IL2RB: variants seen among roughly 807,000 people sequenced by gnomAD.
The protein encoded by IL2RB is interleukin-2 receptor subunit beta.
Under a neutral mutation model 44.2 loss-of-function variants are expected in IL2RB, and 17 were observed. The observed-to-expected ratio is 0.38, with a 90% confidence interval of 0.26 to 0.58. The LOEUF (loss-of-function observed/expected upper bound fraction) is 0.58. IL2RB is among the 20% of genes least tolerant of loss of function. The pLI, the probability that IL2RB is intolerant of heterozygous loss-of-function variation, is 0.63. For missense variants in IL2RB, 624 were observed against 685.5 expected (o/e 0.91, Z 1.00); for synonymous variants, 286 against 297.9 (o/e 0.96, Z 0.41).
Position 37,128,361 on chromosome 22 carries a change from G to C in IL2RB, c.1391C>G (p.Pro464Arg). The C allele has an allele frequency of 6.6e-7, 1 of 1,508,056 alleles. No homozygotes were observed. Among genetic ancestry groups the C allele is most frequent in the Non-Finnish European group, 8.9e-7 (1 of 1,129,412 alleles). The allele number at this position is 1,508,056 out of a possible 1,614,324, so 93.4% of individuals were successfully genotyped here. Reference protein sequence around the residue: ...RMPPSLQERVPRDWDPQPLGP... With the variant: ...RMPPSLQERVRRDWDPQPLGP... The stretch of plus-strand genomic sequence containing the variant: ...CAGGGGCTGGGGGTCCCAGTCTCTG[G>C]GGACTCTTTCTTGCAAAGAAGGGGG... The change falls in exon 10 of 10, where the codon CCC becomes CGC. Residue 464 changes from proline (P) to arginine (R), a missense_variant. Transcript: ENST00000216223. This position sits in a 1 kb window ranked among gnomAD's most constrained non-coding sequence, Gnocchi z 4.5.
Position 37,128,384 on chromosome 22 carries a change from G to T in IL2RB, c.1368C>A (p.Pro456=), listed in dbSNP as rs528353830. ...GGSGAGEERM[P]PSLQERVPRD... The stretch of plus-strand genomic sequence containing the variant: ...TGGGGACTCTTTCTTGCAAAGAAGG[G>T]GGCATCCTCTCTTCACCGGCCCCAC... Residue 456 remains proline, a synonymous_variant, in exon 10 of 10, where the codon CCC becomes CCA. Transcript: ENST00000216223. This position sits in a 1 kb window ranked among gnomAD's most constrained non-coding sequence, Gnocchi z 4.5. 1 of 1,509,824 alleles carries T rather than the reference G, an allele frequency of 6.6e-7. No homozygotes were observed. Among genetic ancestry groups the T allele is most frequent in the African/African-American group, 1.4e-5 (1 of 71,554 alleles). The allele number at this position is 1,509,824 out of a possible 1,614,324, so 93.5% of individuals were successfully genotyped here.
intron 1 of IL2RB, chr22:37,174,905 AG>A (rs1291128710): frequency 6.6e-6 from 1 of 152,250 alleles, no homozygotes; most frequent in African/African-American, 2.4e-5. Flanking sequence ...ACTGCTATGA[AG>A]AACTGCCTGA....
chr22:37,134,737 T>C (rs1304202121), intron 8 of IL2RB, among the ~76,000 whole-genome samples: 1 of 152,176 alleles, frequency 6.6e-6, no homozygotes, highest in African/African-American at 2.4e-5. Flanking sequence ...TACGTCGACA[T>C]CCTCCTCTGC....
At chr22:37,166,751 A>T (rs567214062) in intron 1 of IL2RB, 1 of 152,252 alleles carries the variant, frequency 6.6e-6, no homozygotes, top group Admixed American at 6.5e-5. Flanking sequence ...GTGCTGCAGG[A>T]GGGAGGTGAA....
chr22:37,172,537 C>T (rs1923325107), intron 1 of IL2RB, among the ~76,000 whole-genome samples: 1 of 152,036 alleles, frequency 6.6e-6, no homozygotes, highest in Non-Finnish European at 1.5e-5. Flanking sequence ...TGGGGGTGGG[C>T]AGTGGCGAGG....
chr22:37,140,165 A>C (rs1369960654), intron 4 of IL2RB, among the ~76,000 whole-genome samples: 1 of 152,178 alleles, frequency 6.6e-6, no homozygotes, highest in African/African-American at 2.4e-5. Flanking sequence ...CACTATGGGC[A>C]AACCTTAAAC....
chr22:37,132,339 A>T, intron 9 of IL2RB, 45 bp downstream of exon 9: 1 of 1,499,134 alleles, frequency 6.7e-7, no homozygotes, highest in Non-Finnish European at 9.3e-7. Context: ...CCCTCATCCC[A>T]CTCACACCCC....
intron 1 of IL2RB, among the ~76,000 whole-genome samples, chr22:37,166,147 C>A (rs564893120): frequency 6.6e-6 from 1 of 152,190 alleles, no homozygotes; most frequent in Non-Finnish European, 1.5e-5. Flanking sequence ...CTGGACAGGG[C>A]CCCTCCAGCC....
chr22:37,153,051 C>G (rs948774530), upstream of IL2RB, among the ~76,000 whole-genome samples: 1 of 150,890 alleles, frequency 6.6e-6, no homozygotes, highest in Non-Finnish European at 1.5e-5. Context: ...TCTCCTGCCT[C>G]GGCTTCCCGA....
At chr22:37,148,817 G>A (rs373775165) in intron 1 of IL2RB, among the ~76,000 whole-genome samples, 22 of 152,206 alleles carry the variant, frequency 1.4e-4, no homozygotes, top group East Asian at 5.8e-4. Context: ...GGTGCAGTTC[G>A]GGGCCCCTGC....
intron 1 of IL2RB, among the ~76,000 whole-genome samples, chr22:37,174,225 G>A (rs1202049766): frequency 6.6e-6 from 1 of 152,218 alleles, no homozygotes; most frequent in East Asian, 1.9e-4. Context: ...AAACGGAAGG[G>A]TTCGTCGCTG....
rs207477989 is a variant in IL2RB at position 37,141,789 on chromosome 22, G to A, written c.282+645C>T. 1.3e-5 allele frequency among the ~76,000 whole-genome samples: 2 copies of A among 152,234 alleles called. No individual in the cohort carries two copies. The highest frequency in any genetic ancestry group is 4.8e-5 in the African/African-American group (2 of 41,460). On this transcript the variant is annotated intron_variant, in intron 4 of 9. Coordinates refer to ENST00000216223, the MANE Select transcript of IL2RB (RefSeq NM_000878.5). This position sits in a 1 kb window ranked among gnomAD's most constrained non-coding sequence, Gnocchi z 4.4. ...CACAGGGGGATGGGAAGCCACGGGG[G>A]TGCAGGGGACAGCTTGGCACTGGCC...
At chr22:37,160,473 G>C (rs1922819849) in intron 1 of IL2RB, among the ~76,000 whole-genome samples, 1 of 152,226 alleles carries the variant, frequency 6.6e-6, no homozygotes, top group Non-Finnish European at 1.5e-5. Flanking sequence ...ACATCAGGTG[G>C]ACAGGTGGGG....
At position 37,142,531 on chromosome 22, in the gene IL2RB, C is replaced by A; in HGVS notation, c.204-19G>T. The A allele has an allele frequency of 2.5e-6, 4 of 1,613,076 alleles. No homozygotes were observed. The highest frequency in any genetic ancestry group is 3.4e-6 in the Non-Finnish European group (4 of 1,179,012). ...CCACCGCCTTTCATGGCAAAAGACC[C>A]TCTTTAGAAGAACAGGAAGGACCCA... On this transcript the variant is annotated intron_variant, in intron 3 of 9. Coordinates refer to ENST00000216223, the MANE Select transcript of IL2RB (RefSeq NM_000878.5).
chr22:37,136,436 T>C (rs1264314344), intron 6 of IL2RB, 43 bp from the exon 7 acceptor site: 5 of 1,567,272 alleles, frequency 3.2e-6, no homozygotes, highest in Non-Finnish European at 4.3e-6. Flanking sequence ...TCACCTCCCA[T>C]GGCAGGGCCA....
At position 37,136,022 on chromosome 22, in the gene IL2RB, C is replaced by T. The variant is rs115965260; in HGVS notation, c.703+206G>A. On this transcript the variant is annotated intron_variant, in intron 7 of 9. Transcript: ENST00000216223. ...GTGAAAACAGCCTTTCGACCCCTCC[C>T]CAACTCACAAGGCCCATGGCAAGCC... is the stretch of plus-strand genomic sequence containing the variant. Among the ~76,000 whole-genome samples, 494 of 152,262 alleles carry T rather than the reference C, an allele frequency of 3.2e-3. 4 individuals are homozygous for T. Among genetic ancestry groups the T allele is most frequent in the African/African-American group, 0.011 (470 of 41,550 alleles).
chr22:37,159,461 G>A (rs905812049), intron 1 of IL2RB, among the ~76,000 whole-genome samples: 42 of 152,130 alleles, frequency 2.8e-4, no homozygotes, highest in Admixed American at 2.7e-3. Flanking sequence ...GAACTCCTCC[G>A]AGCGGGAAAG....
chr22:37,139,978 G>A (rs964831939), intron 4 of IL2RB, among the ~76,000 whole-genome samples: 11 of 152,218 alleles, frequency 7.2e-5, no homozygotes, highest in Non-Finnish European at 1.5e-4. Context: ...TGTCATGCCT[G>A]ACAGAGGGCT....
intron 1 of IL2RB, among the ~76,000 whole-genome samples, chr22:37,165,430 G>C (rs535506935): frequency 6.6e-6 from 1 of 152,314 alleles, no homozygotes; most frequent in African/African-American, 2.4e-5. Context: ...AGGAACACCT[G>C]CCAGTCAGCA....
Sources: gnomAD v4.1 joint callset for allele counts (sites outside exome capture counted in the v4.1 genomes callset) on GRCh38, gnomAD v4.1.1 for gene constraint, Gnocchi (gnomAD v3.1) non-coding constraint, MANE v1.5 for transcripts, NCBI Gene and HGNC (gene_info 2026-07-23, HGNC 2026-07-21) for gene names.